The following SCRG1 variants were observed in gnomAD, a reference collection of about 807,000 sequenced individuals.
The protein encoded by SCRG1 is scrapie-responsive protein 1.
A neutral mutation model predicts 7.7 loss-of-function variants in SCRG1; 3 were observed. The observed-to-expected ratio is 0.39, with a 90% CI of 0.18 to 1.01. The LOEUF (loss-of-function observed/expected upper bound fraction) is 1.01, where lower values mean the gene tolerates loss of function less well. SCRG1 is among the 50% of genes least tolerant of loss of function. The pLI is 0.36. For missense variants in SCRG1, 110 were observed against 117.2 expected (o/e 0.94, Z 0.28); for synonymous variants, 46 against 41.2 (o/e 1.12, Z -0.44).
chr4:173,516,226 C>G, the SCRG1 span, among the ~76,000 whole-genome samples: 1 of 152,224 alleles, frequency 6.6e-6, no homozygotes, highest in African/African-American at 2.4e-5. Context: ...CTCCACAGCT[C>G]TGATTCACAC....
chr4:173,443,527 T>C, the SCRG1 span, among the ~76,000 whole-genome samples: 1 of 152,210 alleles, frequency 6.6e-6, no homozygotes, highest in African/African-American at 2.4e-5. Flanking sequence ...AGGTGTCTCA[T>C]GAAACATTTT....
the SCRG1 span, among the ~76,000 whole-genome samples, chr4:173,484,863 G>A: frequency 6.3e-5 from 4 of 63,442 alleles, no homozygotes; most frequent in Non-Finnish European, 7.9e-5. Flanking sequence ...TATATATTAT[G>A]TATATTTTAT....
the SCRG1 span, among the ~76,000 whole-genome samples, chr4:173,439,432 T>C: frequency 1.3e-5 from 2 of 151,782 alleles, no homozygotes; most frequent in African/African-American, 4.8e-5. Context: ...AGGAGATCAC[T>C]TGGGCCTGAG....
the SCRG1 span, among the ~76,000 whole-genome samples, chr4:173,492,806 G>C: frequency 6.6e-6 from 1 of 152,146 alleles, no homozygotes; most frequent in Non-Finnish European, 1.5e-5. Flanking sequence ...CTACGTGACC[G>C]CACTTCATGA....
the SCRG1 span, among the ~76,000 whole-genome samples, chr4:173,457,205 CA>C: frequency 2.7e-4 from 41 of 152,176 alleles, no homozygotes; most frequent in Non-Finnish European, 5.6e-4. Context: ...GGGACTTTTC[CA>C]CAAAGCACGG....
At position 173,385,651 on chromosome 4, in the gene SCRG1, CATT is replaced by C. The variant is rs1240324594; in HGVS notation, c.*2687_*2689del. ...ACTGAATTTCATATTTTCAGAAAGA[CATT>C]ATGATGAATAATTTATAAAATTTTA... is the stretch of plus-strand genomic sequence containing the variant. On this transcript the variant is annotated 3_prime_UTR_variant, in exon 3 of 3. Coordinates refer to ENST00000296506, the MANE Select transcript of SCRG1 (RefSeq NM_007281.4). 6.6e-6 allele frequency: 1 copy of C among 151,566 alleles called. No homozygotes were observed. The highest frequency in any genetic ancestry group is 1.5e-5 in the Non-Finnish European group (1 of 68,002). 9.4% of individuals were successfully genotyped at this position (151,566 alleles called of 1,614,324 possible).
At chr4:173,503,478 G>A in the SCRG1 span, among the ~76,000 whole-genome samples, 2 of 152,160 alleles carry the variant, frequency 1.3e-5, no homozygotes, top group Non-Finnish European at 2.9e-5. This position sits in a 1 kb window ranked among gnomAD's most constrained non-coding sequence, Gnocchi z 6.4. Flanking sequence ...CCAGGGTCTT[G>A]GGGTGGGGAG....
the SCRG1 span, among the ~76,000 whole-genome samples, chr4:173,441,919 C>G: frequency 6.6e-6 from 1 of 152,118 alleles, no homozygotes; most frequent in Non-Finnish European, 1.5e-5. Context: ...TAAGGGAAAG[C>G]AAAACAAGTA....
At chr4:173,500,717 C>T in the SCRG1 span, among the ~76,000 whole-genome samples, 88 of 152,282 alleles carry the variant, frequency 5.8e-4, no homozygotes, top group African/African-American at 1.9e-3. Flanking sequence ...AACTCCTGAG[C>T]TCAAGGGATC....
the SCRG1 span, among the ~76,000 whole-genome samples, chr4:173,492,212 T>C: frequency 3.0e-3 from 462 of 152,254 alleles, 16 homozygotes; most frequent in East Asian, 0.076. Flanking sequence ...CATTGAGCCT[T>C]AGCAAAAATT....
chr4:173,450,287 T>C, the SCRG1 span, among the ~76,000 whole-genome samples: 1 of 152,216 alleles, frequency 6.6e-6, no homozygotes, highest in Non-Finnish European at 1.5e-5. Flanking sequence ...CCACCAGGTC[T>C]TTCCTTTGAC....
chr4:173,511,001 C>G, the SCRG1 span, among the ~76,000 whole-genome samples: 1 of 152,202 alleles, frequency 6.6e-6, no homozygotes, highest in Non-Finnish European at 1.5e-5. This position sits in a 1 kb window ranked among gnomAD's most constrained non-coding sequence, Gnocchi z 5.2. Flanking sequence ...GAGTCTCGCT[C>G]TGTCTCCTAG....
At chr4:173,421,648 C>A in the SCRG1 span, among the ~76,000 whole-genome samples, 1 of 152,104 alleles carries the variant, frequency 6.6e-6, no homozygotes, top group African/African-American at 2.4e-5. Context: ...TAATTCCTAC[C>A]TTTTCTACTT....
the SCRG1 span, among the ~76,000 whole-genome samples, chr4:173,472,966 T>C: frequency 7.9e-5 from 12 of 152,234 alleles, no homozygotes; most frequent in Non-Finnish European, 2.9e-5. Flanking sequence ...ATTTTGCCTA[T>C]ATTATAAGCT....
the SCRG1 span, among the ~76,000 whole-genome samples, chr4:173,443,361 T>A: frequency 6.6e-6 from 1 of 152,064 alleles, no homozygotes; most frequent in Non-Finnish European, 1.5e-5. Flanking sequence ...AAAGAAGACA[T>A]AAGAAAGCCT....
chr4:173,439,410 C>T, the SCRG1 span, among the ~76,000 whole-genome samples: 4 of 151,858 alleles, frequency 2.6e-5, no homozygotes, highest in Non-Finnish European at 5.9e-5. Flanking sequence ...CCTGTGGTCC[C>T]AGCTACTTGG....
chr4:173,467,992 T>C, the SCRG1 span: 1 of 152,612 alleles, frequency 6.6e-6, no homozygotes, highest in South Asian at 2.1e-4. Context: ...AGTGACTCCG[T>C]ATATATTTTA....
At chr4:173,500,819 T>G in the SCRG1 span, among the ~76,000 whole-genome samples, 1 of 152,234 alleles carries the variant, frequency 6.6e-6, no homozygotes, top group African/African-American at 2.4e-5. Flanking sequence ...ACTGTAATCT[T>G]GGGGAGTTTA....
At chr4:173,442,153 A>C in the SCRG1 span, among the ~76,000 whole-genome samples, 1 of 152,188 alleles carries the variant, frequency 6.6e-6, no homozygotes, top group Non-Finnish European at 1.5e-5. Context: ...GATCTCTAAA[A>C]TGTACTTATT....
Sources: allele counts gnomAD v4.1 joint callset (sites outside exome capture counted in the v4.1 genomes callset), GRCh38; gene constraint gnomAD v4.1.1; non-coding constraint Gnocchi (gnomAD v3.1); transcripts MANE v1.5; gene names NCBI Gene and HGNC (gene_info 2026-07-23, HGNC 2026-07-21).